Variants in ERGIC3 observed in about 807,000 individuals in gnomAD.
ERGIC3 encodes endoplasmic reticulum-Golgi intermediate compartment protein 3.
In ERGIC3, 33 loss-of-function variants were observed where a neutral mutation model predicts 54.7. That is an observed-to-expected ratio of 0.60 (90% CI 0.46 to 0.81). ERGIC3 has a LOEUF of 0.81. Ranked by LOEUF, ERGIC3 falls within the 30% of genes least tolerant of loss-of-function variation. The pLI is 0.00. For synonymous variants in ERGIC3, 186 were observed against 189.8 expected (o/e 0.98, Z 0.16); for missense variants, 399 against 488.4 (o/e 0.82, Z 1.73).
chr20:35,543,040 A>C (rs552729213), intron 4 of ERGIC3, 99 bp downstream of exon 4: 1 of 1,569,184 alleles, frequency 6.4e-7, no homozygotes. Flanking sequence ...GATACATTAA[A>C]CAACTAAGAG....
At chr20:35,553,411 C>T (rs1242644511) in intron 7 of ERGIC3, among the ~76,000 whole-genome samples, 1 of 151,674 alleles carries the variant, frequency 6.6e-6, no homozygotes, top group Non-Finnish European at 1.5e-5. Flanking sequence ...TGAGGGGATG[C>T]CAGGGAGTTA....
chr20:35,557,543 G>T lies in ERGIC3; in HGVS notation c.*39G>T. 1 of 1,587,450 alleles carries T rather than the reference G, an allele frequency of 6.3e-7. No homozygotes were observed. ...TTCCTCTGTCTCCTCTTTCTCCCTG[G>T]CCTGTGGTTGTCCCCCAGCCTCTGC... On this transcript the variant is annotated 3_prime_UTR_variant, in exon 13 of 13. Transcript: ENST00000348547.
chr20:35,544,761 C>A, intron 4 of ERGIC3: 1 of 151,934 alleles, frequency 6.6e-6, no homozygotes, highest in South Asian at 1.8e-4. Flanking sequence ...TGCTGCTCTC[C>A]AATGGCAGCT....
chr20:35,556,840 C>G (rs1291092884), intron 10 of ERGIC3, 133 bp from the exon 11 acceptor site: 4 of 1,299,664 alleles, frequency 3.1e-6, no homozygotes, highest in Non-Finnish European at 4.3e-6. Flanking sequence ...GTGCAGGCCA[C>G]TAGCACGGTG....
Position 35,556,828 on chromosome 20 carries a change from C to G in ERGIC3, c.880-145C>G, listed in dbSNP as rs982655004. On this transcript the variant is annotated intron_variant, in intron 10 of 12. Coordinates refer to ENST00000348547, the MANE Select transcript of ERGIC3 (RefSeq NM_015966.3). The stretch of plus-strand genomic sequence containing the variant: ...AGGGGGTCTGGCGGGCCAGGCCTTG[C>G]AGTGCAGGCCACTAGCACGGTGCTG... 1.2e-5 allele frequency: 14 copies of G among 1,121,052 alleles called. No individual in the cohort carries two copies. The African/African-American group carries it at 2.0e-4, about 16-fold the overall frequency. The allele number at this position is 1,121,052 out of a possible 1,614,324, so 69.4% of individuals were successfully genotyped here.
At chr20:35,547,720 C>G (rs1454522656) in intron 5 of ERGIC3, among the ~76,000 whole-genome samples, 2 of 152,204 alleles carry the variant, frequency 1.3e-5, no homozygotes, top group Non-Finnish European at 2.9e-5. Context: ...CTGAAGTGGT[C>G]TCTGCTCTTC....
chr20:35,543,215 C>G (rs2147302016), intron 4 of ERGIC3: 1 of 397,386 alleles, frequency 2.5e-6, no homozygotes, highest in South Asian at 2.1e-5. Context: ...GAAGATAGGT[C>G]TTATGTGCTC....
Position 35,544,001 on chromosome 20 carries a change from A to T in ERGIC3, c.367+1060A>T, listed in dbSNP as rs1243091820. On this transcript the variant is annotated intron_variant, in intron 4 of 12. Transcript: ENST00000348547. Reference sequence around the variant, plus strand: ...GCAGTCATCTAAGGATTGATGGGGCACTGAAGAATCTACTATCTATCTATC... The same window carrying T: ...GCAGTCATCTAAGGATTGATGGGGCTCTGAAGAATCTACTATCTATCTATC... 9 of 277,102 alleles carry T rather than the reference A, an allele frequency of 3.2e-5. No individual in the cohort carries two copies. The East Asian group carries it at 7.8e-4, about 24-fold the overall frequency. The allele number at this position is 277,102 out of a possible 1,614,324, so 17.2% of individuals were successfully genotyped here.
chr20:35,550,588 C>A (rs2064676539), intron 7 of ERGIC3, among the ~76,000 whole-genome samples: 1 of 152,050 alleles, frequency 6.6e-6, no homozygotes, highest in African/African-American at 2.4e-5. Flanking sequence ...TGTACTCCAG[C>A]CTGGGTAACA....
chr20:35,549,264 CT>C (rs2064669208), intron 7 of ERGIC3: 1 of 471,362 alleles, frequency 2.1e-6, no homozygotes, highest in African/African-American at 2.0e-5. Flanking sequence ...GTGCATGAGG[CT>C]TTGGGAGAAG....
At chr20:35,556,482 C>T in intron 10 of ERGIC3, 1 of 594,306 alleles carries the variant, frequency 1.7e-6, no homozygotes, top group Non-Finnish European at 3.0e-6. Flanking sequence ...TTTCTGCTGC[C>T]CTCACCGCTT....
rs762820246 is a variant in ERGIC3 at position 35,542,337 on chromosome 20, G to A, written c.103G>A (p.Gly35Ser). The stretch of plus-strand genomic sequence containing the variant: ...TTGTCCTGCAGTGACCATTGTCAGT[G>A]GCCTTCTCATGCTGCTACTGTTCCT... ...CGGATVTIVS[G>S]LLMLLLFLSE... The change falls in exon 2 of 13, where the codon GGC becomes AGC. Residue 35 changes from glycine (G) to serine (S), a missense_variant. Transcript: ENST00000348547. 1 of 1,614,054 alleles carries A rather than the reference G, an allele frequency of 6.2e-7. No individual in the cohort carries two copies. Among genetic ancestry groups the A allele is most frequent in the South Asian group, 1.1e-5 (1 of 91,066 alleles).
At position 35,556,238 on chromosome 20, in the gene ERGIC3, G is replaced by A. The variant is rs139210715; in HGVS notation, c.846G>A (p.Val282=). The change falls in exon 10 of 13, where the codon GTG becomes GTA. Residue 282 remains valine, a synonymous_variant. Coordinates refer to ENST00000348547, the MANE Select transcript of ERGIC3 (RefSeq NM_015966.3). ...ASMMFQYFVK[V]VPTVYMKVDG... is the part of the protein sequence containing the mutation. ...TGATGTTCCAGTACTTTGTGAAGGT[G>A]GTGCCCACTGTGTACATGAAGGTGG... The A allele has an allele frequency of 4.6e-5, 74 of 1,614,182 alleles. No homozygotes were observed. The African/African-American group carries it at 8.0e-4, about 17-fold the overall frequency.
intron 7 of ERGIC3, chr20:35,554,787 A>G: frequency 1.7e-6 from 1 of 603,130 alleles, no homozygotes; most frequent in Non-Finnish European, 3.0e-6. Context: ...GGTGGTAGTC[A>G]AGGCATAGAG....
At chr20:35,556,447 G>C in intron 10 of ERGIC3, 176 bp downstream of exon 10, 1 of 668,394 alleles carries the variant, frequency 1.5e-6, no homozygotes, top group South Asian at 1.8e-5. Flanking sequence ...CAGGCCTGGG[G>C]CTGTTAGATT....
In ERGIC3 at chr20:35,548,627, C is replaced by T; in HGVS notation, c.580C>T (p.Gln194Ter). 6.2e-7 allele frequency: 1 copy of T among 1,614,214 alleles called. No homozygotes were observed. ...GGGCTTCAGCCAGAAGATGCAGGAG[C>T]AGAAGAATGAAGGCTGCCAGGTGTA... ...REGFSQKMQE[Q>*]KNEGCQVYGF... Residue 194 changes from glutamine to a stop codon, truncating the protein, a stop_gained, in exon 6 of 13, where the codon CAG (glutamine) becomes TAG (stop). Coordinates refer to ENST00000348547, the MANE Select transcript of ERGIC3 (RefSeq NM_015966.3). LOFTEE classifies it high-confidence loss of function.
At chr20:35,546,730 G>A (rs1041886757) in intron 4 of ERGIC3, among the ~76,000 whole-genome samples, 5 of 152,130 alleles carry the variant, frequency 3.3e-5, no homozygotes, top group Non-Finnish European at 2.9e-5. Flanking sequence ...GGTGGATTTC[G>A]GGTACTAAAT....
At chr20:35,556,495 A>C in intron 10 of ERGIC3, 1 of 571,482 alleles carries the variant, frequency 1.7e-6, no homozygotes, top group Non-Finnish European at 3.1e-6. Context: ...CACCGCTTCT[A>C]TCCGTTCCTC....
chr20:35,542,212 G>C, intron 1 of ERGIC3, 27 bp downstream of exon 1: 1 of 1,587,844 alleles, frequency 6.3e-7, no homozygotes. Flanking sequence ...CCGGGGTCGC[G>C]TGGAGGGGGG....
Sources: gnomAD v4.1 joint callset for allele counts (sites outside exome capture counted in the v4.1 genomes callset) on GRCh38, gnomAD v4.1.1 for gene constraint, MANE v1.5 for transcripts, NCBI Gene and HGNC (gene_info 2026-07-23, HGNC 2026-07-21) for gene names.